Variants in CAPRIN1 observed in about 807,000 individuals in gnomAD.
CAPRIN1 encodes cell cycle associated protein 1, also known as caprin-1.
CAPRIN1 carries 29 observed loss-of-function variants against 100.9 expected under a neutral mutation model. The ratio of observed to expected loss-of-function variants is 0.29; its 90% confidence interval spans 0.21 to 0.39. The LOEUF is 0.39. CAPRIN1 is among the 10% of genes least tolerant of loss of function. CAPRIN1 has a pLI of 1.00. For missense variants in CAPRIN1, 795 were observed against 876.7 expected (o/e 0.91, Z 1.18); for synonymous variants, 338 against 307.5 (o/e 1.10, Z -1.04).
chr11:34,072,549 A>G (rs183722721), intron 4 of CAPRIN1, among the ~76,000 whole-genome samples: 298 of 152,330 alleles, frequency 2.0e-3, no homozygotes, highest in Middle Eastern at 0.014. Context: ...GCTCGTTTAT[A>G]TAATTGGTAA....
At chr11:34,096,734 T>G (rs1316460079) in intron 16 of CAPRIN1, 61 bp downstream of exon 16, 4 of 1,312,566 alleles carry the variant, frequency 3.0e-6, no homozygotes, top group Non-Finnish European at 4.2e-6. Flanking sequence ...TTTTTTGATT[T>G]GTAAAATATA....
intron 16 of CAPRIN1, 85 bp from the exon 17 acceptor site, chr11:34,097,111 T>C (rs774724007): frequency 2.2e-5 from 20 of 897,870 alleles, no homozygotes; most frequent in Non-Finnish European, 3.3e-5. Flanking sequence ...TTATAATTTC[T>C]AGTTCTTCCC....
At chr11:34,082,382 T>C (rs919558001) in intron 7 of CAPRIN1, among the ~76,000 whole-genome samples, 7 of 152,010 alleles carry the variant, frequency 4.6e-5, no homozygotes, top group African/African-American at 1.7e-4. Flanking sequence ...AGAGTTGGGG[T>C]TTCACCAGGT....
chr11:34,097,841 G>A (rs1286058155), intron 18 of CAPRIN1, 80 bp downstream of exon 18: 8 of 1,609,364 alleles, frequency 5.0e-6, no homozygotes, highest in Non-Finnish European at 6.8e-6. Flanking sequence ...TAGTCTGCAT[G>A]TTAGGAATAC....
chr11:34,059,850 G>T, intron 2 of CAPRIN1, among the ~76,000 whole-genome samples: 1 of 149,058 alleles, frequency 6.7e-6, no homozygotes, highest in South Asian at 2.1e-4. Context: ...CAGGTGTGTA[G>T]AGTTGATGAG....
At chr11:34,052,356 C>T (rs926816750) in intron 1 of CAPRIN1, 65 bp from the exon 2 acceptor site, 102 of 1,305,740 alleles carry the variant, frequency 7.8e-5, no homozygotes, top group Non-Finnish European at 1.0e-4. Flanking sequence ...TCGCCCCGTC[C>T]GTCTCCTGAC....
intron 6 of CAPRIN1, 37 bp from the exon 7 acceptor site, chr11:34,079,586 CTCAGA>C (rs1394456590): frequency 6.4e-7 from 1 of 1,553,842 alleles, no homozygotes; most frequent in Non-Finnish European, 8.8e-7. Flanking sequence ...GCCAGGCATC[CTCAGA>C]TAAGTCTTAC....
intron 2 of CAPRIN1, chr11:34,053,595 C>CG (rs1850382894): frequency 7.6e-6 from 1 of 132,078 alleles, no homozygotes; most frequent in African/African-American, 3.0e-5. Flanking sequence ...AGGCCCCCCT[C>CG]TAAAAAAAAA....
intron 7 of CAPRIN1, among the ~76,000 whole-genome samples, chr11:34,081,339 T>C (rs891792365): frequency 6.6e-6 from 1 of 151,994 alleles, no homozygotes; most frequent in Non-Finnish European, 1.5e-5. Flanking sequence ...TAGTGGGGAC[T>C]ACAGGCGCAT....
At chr11:34,094,530 G>C (rs961170716) in intron 15 of CAPRIN1, among the ~76,000 whole-genome samples, 1 of 149,726 alleles carries the variant, frequency 6.7e-6, no homozygotes, top group African/African-American at 2.5e-5. Flanking sequence ...TAAAATGAAG[G>C]CTGGGTGTGG....
intron 9 of CAPRIN1, among the ~76,000 whole-genome samples, chr11:34,085,575 G>A (rs1851122210): frequency 6.6e-6 from 1 of 152,204 alleles, no homozygotes; most frequent in African/African-American, 2.4e-5. Flanking sequence ...ATGCCAAGGC[G>A]GGTGGGTCAC....
chr11:34,088,079 T>C (rs528256762), intron 11 of CAPRIN1, among the ~76,000 whole-genome samples: 1 of 152,266 alleles, frequency 6.6e-6, no homozygotes, highest in South Asian at 2.1e-4. Flanking sequence ...CTCGGCACGC[T>C]GCAACCCCTG....
At chr11:34,070,779 C>T (rs375650403) in intron 2 of CAPRIN1, among the ~76,000 whole-genome samples, 11 of 151,892 alleles carry the variant, frequency 7.2e-5, no homozygotes, top group South Asian at 2.1e-4. Context: ...CTCGGCTCAC[C>T]GCAGCCTCTG....
intron 7 of CAPRIN1, 41 bp downstream of exon 7, chr11:34,079,806 G>C (rs774246393): frequency 2.6e-6 from 4 of 1,561,368 alleles, no homozygotes; most frequent in Non-Finnish European, 3.5e-6. Flanking sequence ...TAGGGTCCTG[G>C]TTTTATTTGA....
At chr11:34,087,801 T>G (rs1449374229) in intron 11 of CAPRIN1, among the ~76,000 whole-genome samples, 1 of 152,158 alleles carries the variant, frequency 6.6e-6, no homozygotes, top group Non-Finnish European at 1.5e-5. Flanking sequence ...TGATAAAACC[T>G]GTAAGGCTAT....
At chr11:34,083,602 C>G (rs193247185) in intron 9 of CAPRIN1, among the ~76,000 whole-genome samples, 16 of 152,312 alleles carry the variant, frequency 1.1e-4, no homozygotes, top group Admixed American at 3.9e-4. Flanking sequence ...ACTTGAGGCT[C>G]TCAGTGATGC....
At chr11:34,089,340 C>A in intron 11 of CAPRIN1, 55 bp from the exon 12 acceptor site, 1 of 786,246 alleles carries the variant, frequency 1.3e-6, no homozygotes, top group Non-Finnish European at 1.9e-6. Context: ...TATTTAGACG[C>A]GTCTCTCTAA....
At chr11:34,060,375 T>TATC (rs1157630472) in intron 2 of CAPRIN1, among the ~76,000 whole-genome samples, 1 of 152,124 alleles carries the variant, frequency 6.6e-6, no homozygotes, top group Non-Finnish European at 1.5e-5. Flanking sequence ...AGGGTCTCAC[T>TATC]ATCACCCAGG....
Position 34,065,105 on chromosome 11 carries a change from C to T in CAPRIN1, c.217-6621C>T, listed in dbSNP as rs113321950. Among the ~76,000 whole-genome samples, 26 of 151,422 alleles carry T rather than the reference C, an allele frequency of 1.7e-4. 1 individual carries two copies. The South Asian group carries it at 5.4e-3, about 32-fold the overall frequency. On this transcript the variant is annotated intron_variant, in intron 2 of 18. Coordinates refer to ENST00000341394, the MANE Select transcript of CAPRIN1 (RefSeq NM_005898.5). The stretch of plus-strand genomic sequence containing the variant: ...CTCCTGAGTAGCTGGGACTACAGGT[C>T]CCCGCCACCACGCCCGACTAATTTT...
Sources: gnomAD v4.1 joint callset for allele counts (sites outside exome capture counted in the v4.1 genomes callset) on GRCh38, gnomAD v4.1.1 for gene constraint, MANE v1.5 for transcripts, NCBI Gene and HGNC (gene_info 2026-07-23, HGNC 2026-07-21) for gene names.